The following ARHGAP20 variants were observed in gnomAD, a reference collection of about 807,000 sequenced individuals.
The protein encoded by ARHGAP20 is Rho GTPase activating protein 20, also known as rho GTPase-activating protein 20.
Under a neutral mutation model 73.7 loss-of-function variants are expected in ARHGAP20, and 34 were observed. The ratio of observed to expected loss-of-function variants is 0.46; its 90% CI spans 0.35 to 0.61. The LOEUF (loss-of-function observed/expected upper bound fraction) is 0.61, where lower values mean the gene tolerates loss of function less well. ARHGAP20 is among the 20% of genes least tolerant of loss of function. The pLI is 0.00. For synonymous variants in ARHGAP20, 523 were observed against 518.2 expected (o/e 1.01, Z -0.13); for missense variants, 1,314 against 1,420.9 (o/e 0.92, Z 1.21).
At chr11:110,674,018 A>T (rs1231823010) in intron 2 of ARHGAP20, among the ~76,000 whole-genome samples, 1 of 151,412 alleles carries the variant, frequency 6.6e-6, no homozygotes, top group Non-Finnish European at 1.5e-5. Flanking sequence ...AGCTCACTGC[A>T]ACTTCTGCCT....
At chr11:110,609,595 T>C (rs893789579) in intron 7 of ARHGAP20, among the ~76,000 whole-genome samples, 1 of 152,144 alleles carries the variant, frequency 6.6e-6, no homozygotes, top group Non-Finnish European at 1.5e-5. Context: ...GGCCCAGTCA[T>C]AGAAAACAAT....
At chr11:110,610,518 TATC>T (rs1346622143) in intron 7 of ARHGAP20, among the ~76,000 whole-genome samples, 1 of 152,170 alleles carries the variant, frequency 6.6e-6, no homozygotes, top group African/African-American at 2.4e-5. Context: ...TTCCTTTAGT[TATC>T]ATCCTTTTGA....
intron 2 of ARHGAP20, among the ~76,000 whole-genome samples, chr11:110,689,940 T>C (rs1400234488): frequency 6.6e-6 from 1 of 150,440 alleles, no homozygotes; most frequent in Non-Finnish European, 1.5e-5. Context: ...ATCTTTTTAA[T>C]AAGCTTTCGC....
chr11:110,583,487 A>C (rs1947530280), intron 13 of ARHGAP20, 61 bp downstream of exon 13: 1 of 1,383,998 alleles, frequency 7.2e-7, no homozygotes, highest in African/African-American at 1.5e-5. Flanking sequence ...GAATACCCCA[A>C]ATTTCAGTTT....
chr11:110,669,356 T>C (rs1949784486), intron 2 of ARHGAP20, among the ~76,000 whole-genome samples: 1 of 152,192 alleles, frequency 6.6e-6, no homozygotes, highest in East Asian at 1.9e-4. Flanking sequence ...ACTTGGGAAC[T>C]GAATTTATAT....
At chr11:110,626,745 T>TA (rs1399236584) in intron 3 of ARHGAP20, among the ~76,000 whole-genome samples, 1 of 152,074 alleles carries the variant, frequency 6.6e-6, no homozygotes, top group Non-Finnish European at 1.5e-5. Flanking sequence ...TTTTTTTTTT[T>TA]AATCTCTCCA....
chr11:110,626,902 G>A (rs1428313357), intron 3 of ARHGAP20, among the ~76,000 whole-genome samples: 1 of 151,936 alleles, frequency 6.6e-6, no homozygotes, highest in East Asian at 1.9e-4. Context: ...GGCATTCTTG[G>A]GGTCATAGAA....
Position 110,580,720 on chromosome 11 carries a change from A to ATAGTC in ARHGAP20, c.2221_2225dup (p.Tyr742Ter). Reference sequence around the variant, plus strand: ...CCTGGAGGGGTTGATTCTGCTTCAGATAGTCTTCATCTTTTTGAGAAAGAA... The same window carrying ATAGTC: ...CCTGGAGGGGTTGATTCTGCTTCAGATAGTCTAGTCTTCATCTTTTTGAGAAAGAA... On this transcript the variant is annotated stop_gained and frameshift_variant, in exon 15 of 15. Coordinates refer to ENST00000683387, the MANE Select transcript of ARHGAP20 (RefSeq NM_001384657.1). LOFTEE classifies it low-confidence loss of function (END_TRUNC). 6.2e-7 allele frequency: 1 copy of ATAGTC among 1,614,012 alleles called. No individual in the cohort carries two copies. The highest frequency in any genetic ancestry group is 1.1e-5 in the South Asian group (1 of 91,070).
At chr11:110,648,025 G>C (rs1010217110) in intron 2 of ARHGAP20, among the ~76,000 whole-genome samples, 29 of 151,590 alleles carry the variant, frequency 1.9e-4, no homozygotes, top group African/African-American at 6.5e-4. Context: ...CAAAAAGAAT[G>C]TTTTAAAACT....
At chr11:110,684,496 G>GA (rs1425719384) in intron 2 of ARHGAP20, among the ~76,000 whole-genome samples, 2 of 151,920 alleles carry the variant, frequency 1.3e-5, no homozygotes, top group Non-Finnish European at 2.9e-5. Flanking sequence ...CAACTCCTAT[G>GA]AAAAATAGTA....
chr11:110,589,401 G>T, intron 11 of ARHGAP20: 2 of 984,974 alleles, frequency 2.0e-6, no homozygotes, highest in South Asian at 9.4e-5. Context: ...ATAAAGTCAT[G>T]AAGTAACATT....
chr11:110,664,894 T>C (rs1312957342), intron 2 of ARHGAP20, among the ~76,000 whole-genome samples: 1 of 152,144 alleles, frequency 6.6e-6, no homozygotes, highest in Non-Finnish European at 1.5e-5. Flanking sequence ...TGGAGAAATA[T>C]ATCTTGTTCC....
chr11:110,638,052 G>A (rs981955477), intron 2 of ARHGAP20, among the ~76,000 whole-genome samples: 1 of 151,940 alleles, frequency 6.6e-6, no homozygotes, highest in African/African-American at 2.4e-5. Context: ...TTTTGAGCAG[G>A]ACATTGCATT....
chr11:110,639,331 A>G (rs1462666496), intron 2 of ARHGAP20, among the ~76,000 whole-genome samples: 1 of 149,954 alleles, frequency 6.7e-6, no homozygotes, highest in Non-Finnish European at 1.5e-5. Flanking sequence ...TGTCTACTGA[A>G]CCTCCGAGTT....
intron 2 of ARHGAP20, among the ~76,000 whole-genome samples, chr11:110,635,948 G>T (rs920653097): frequency 6.6e-6 from 1 of 152,062 alleles, no homozygotes; most frequent in Non-Finnish European, 1.5e-5. Context: ...ATGAATGGGG[G>T]AAAGAATGGC....
intron 9 of ARHGAP20, among the ~76,000 whole-genome samples, chr11:110,604,035 A>G (rs1027369252): frequency 1.3e-5 from 2 of 152,140 alleles, no homozygotes; most frequent in African/African-American, 2.4e-5. Flanking sequence ...AATTGTTGTT[A>G]TATTTTGAAT....
chr11:110,711,684 G>A (rs1040097398), intron 1 of ARHGAP20: 5 of 1,455,860 alleles, frequency 3.4e-6, no homozygotes, highest in Non-Finnish European at 4.5e-6. Flanking sequence ...TGCCGCTCCC[G>A]GGCAGACATC....
At position 110,578,714 on chromosome 11, in the gene ARHGAP20, A is replaced by G. The variant is rs973193566; in HGVS notation, c.*656T>C. ...AATGAAAAAACAAACCGACAAATAC[A>G]ACCAACAAAACTGATATCATGGTAC... On this transcript the variant is annotated 3_prime_UTR_variant, in exon 15 of 15. Coordinates refer to ENST00000683387, the MANE Select transcript of ARHGAP20 (RefSeq NM_001384657.1). The G allele has an allele frequency of 3.0e-6, 3 of 985,412 alleles. No homozygotes were observed. The highest frequency in any genetic ancestry group is 3.6e-6 in the Non-Finnish European group (3 of 829,930). The allele number at this position is 985,412 out of a possible 1,614,324, so 61.0% of individuals were successfully genotyped here. A position where few individuals can be genotyped will look rare whatever the true frequency, so the allele number is the denominator to read the frequency against.
At chr11:110,629,104 G>A (rs1418065284) in intron 3 of ARHGAP20, among the ~76,000 whole-genome samples, 2 of 152,098 alleles carry the variant, frequency 1.3e-5, no homozygotes, top group African/African-American at 2.4e-5. Flanking sequence ...CAAGTAAATA[G>A]TCTTTAAGAT....
Sources: allele counts gnomAD v4.1 joint callset (sites outside exome capture counted in the v4.1 genomes callset), GRCh38; gene constraint gnomAD v4.1.1; transcripts MANE v1.5; gene names NCBI Gene and HGNC (gene_info 2026-07-23, HGNC 2026-07-21).